RAI14: variants seen among roughly 807,000 people sequenced by gnomAD.
RAI14 encodes the protein retinoic acid induced 14, also known as ankycorbin.
RAI14 carries 45 observed loss-of-function variants against 115.4 expected under a neutral mutation model. The ratio of observed to expected loss-of-function variants is 0.39; its 90% CI spans 0.31 to 0.50. RAI14 has a LOEUF of 0.50. Among genes scored for constraint, RAI14 ranks in the 20% least tolerant of loss-of-function variants. The probability of loss-of-function intolerance (pLI) is 0.85; values close to 1 mark genes in which losing one functional copy is unlikely to be tolerated. For missense variants in RAI14, 939 were observed against 1,131.2 expected (o/e 0.83, Z 2.44); for synonymous variants, 371 against 415.4 (o/e 0.89, Z 1.30).
rs140162508 is a variant in RAI14 at position 34,801,690 on chromosome 5, G to A, written c.257-2022G>A. Among the ~76,000 whole-genome samples, 212 of 151,936 alleles carry A rather than the reference G, an allele frequency of 1.4e-3. 1 individual carries two copies. Among genetic ancestry groups the A allele is most frequent in the African/African-American group, 4.8e-3 (200 of 41,444 alleles). On this transcript the variant is annotated intron_variant, in intron 4 of 17. Transcript: ENST00000265109. ...CGGGAGGCAGAGGTTGCAGTGAGCC[G>A]AGATGGTGCCACTGCACTCCGGCCT...
At chr5:34,668,132 G>A (rs889538467) in intron 1 of RAI14, among the ~76,000 whole-genome samples, 8 of 152,098 alleles carry the variant, frequency 5.3e-5, no homozygotes, top group African/African-American at 7.2e-5. Flanking sequence ...GTGGACTCAC[G>A]CGTATAATCC....
At chr5:34,752,385 T>C (rs1747146794) in intron 2 of RAI14, among the ~76,000 whole-genome samples, 2 of 152,086 alleles carry the variant, frequency 1.3e-5, no homozygotes, top group South Asian at 2.1e-4. Context: ...ATGAAGACTG[T>C]TCTCAGGGCC....
At chr5:34,796,119 G>C (rs1209942867) in intron 4 of RAI14, 92 bp downstream of exon 4, 18 of 1,050,166 alleles carry the variant, frequency 1.7e-5, no homozygotes, top group Non-Finnish European at 2.6e-5. Flanking sequence ...TTTAAGGCCA[G>C]GTGTGGTAAC....
At chr5:34,708,180 C>G (rs904476020) in intron 2 of RAI14, among the ~76,000 whole-genome samples, 4 of 150,816 alleles carry the variant, frequency 2.7e-5, no homozygotes, top group Admixed American at 1.3e-4. Context: ...ATAATAAAAC[C>G]TAAGTATAAG....
chr5:34,687,750 C>T (rs757919153), intron 2 of RAI14: 7 of 1,548,608 alleles, frequency 4.5e-6, no homozygotes, highest in South Asian at 2.4e-5. Flanking sequence ...TGGGCTTGTT[C>T]AGCTATCATT....
intron 2 of RAI14, among the ~76,000 whole-genome samples, chr5:34,756,395 A>T (rs1475838070): frequency 6.6e-6 from 1 of 152,240 alleles, no homozygotes; most frequent in Non-Finnish European, 1.5e-5. Flanking sequence ...GCAAGGAAGC[A>T]GAGTCTATAG....
Position 34,730,198 on chromosome 5 carries a change from A to C in RAI14, c.37-27270A>C, listed in dbSNP as rs572914423. On this transcript the variant is annotated intron_variant, in intron 2 of 17. Transcript: ENST00000265109. ...AGTTTTCACCTATTGTTATCGTGGTAAGCATTTTCTACAGTGATTGATATC... is the reference window on the plus strand; with the variant it reads ...AGTTTTCACCTATTGTTATCGTGGTCAGCATTTTCTACAGTGATTGATATC... Among the ~76,000 whole-genome samples the C allele has an allele frequency of 2.0e-5, 3 of 152,220 alleles. No homozygotes were observed. In the South Asian group the frequency reaches 6.2e-4, roughly 32 times the overall value.
At chr5:34,658,948 A>C (rs960450686) in intron 1 of RAI14, 1 of 151,974 alleles carries the variant, frequency 6.6e-6, no homozygotes, top group Non-Finnish European at 1.5e-5. Flanking sequence ...AAAATAAACT[A>C]TAACTTAAAT....
chr5:34,723,814 C>T (rs551877055), intron 2 of RAI14, among the ~76,000 whole-genome samples: 3 of 152,126 alleles, frequency 2.0e-5, no homozygotes, highest in Non-Finnish European at 4.4e-5. Context: ...TTAATATACT[C>T]ATCACCCATA....
intron 2 of RAI14, among the ~76,000 whole-genome samples, chr5:34,753,364 T>A (rs1747387691): frequency 6.6e-6 from 1 of 152,124 alleles, no homozygotes; most frequent in Admixed American, 6.6e-5. Flanking sequence ...TTTTTTTTGA[T>A]GCTTGGGGGT....
chr5:34,752,742 T>TATATATATATAC (rs1747251580), intron 2 of RAI14, among the ~76,000 whole-genome samples: 2 of 130,956 alleles, frequency 1.5e-5, no homozygotes, highest in African/African-American at 6.3e-5. Flanking sequence ...TGTGTGTGTG[T>TATATATATATAC]GTGTGTGTAT....
In RAI14 at chr5:34,778,290, G is replaced by A. The variant is rs185952300; in HGVS notation, c.168-17649G>A. 1.6e-4 allele frequency among the ~76,000 whole-genome samples: 24 copies of A among 152,296 alleles called. No homozygotes were observed. The South Asian group carries it at 3.1e-3, about 20-fold the overall frequency. On this transcript the variant is annotated intron_variant, in intron 3 of 17. Transcript: ENST00000265109. ...ATGCAGCTTTTGATTCAGTAGATTT[G>A]GAGTGGTGCCTGAGAGTCTGCATTT...
chr5:34,730,181 C>T (rs990599894), intron 2 of RAI14, among the ~76,000 whole-genome samples: 16 of 152,124 alleles, frequency 1.1e-4, no homozygotes, highest in Admixed American at 3.3e-4. Flanking sequence ...CTAGTTTTCA[C>T]CTATTGTTAT....
intron 3 of RAI14, among the ~76,000 whole-genome samples, chr5:34,779,121 A>C (rs1054659492): frequency 1.3e-5 from 2 of 152,174 alleles, no homozygotes; most frequent in Non-Finnish European, 2.9e-5. Context: ...AAGGACAAAA[A>C]CCACATGATT....
intron 3 of RAI14, among the ~76,000 whole-genome samples, chr5:34,772,938 T>C (rs945916387): frequency 6.6e-6 from 1 of 152,194 alleles, no homozygotes; most frequent in African/African-American, 2.4e-5. Flanking sequence ...GGGATCAAAG[T>C]CATTTTGTGT....
rs1376728363 is a variant in RAI14 at position 34,823,609 on chromosome 5, T to C, written c.1767T>C (p.Asn589=). 3 of 1,614,092 alleles carry C rather than the reference T, an allele frequency of 1.9e-6. No individual in the cohort carries two copies. The highest frequency in any genetic ancestry group is 2.2e-5 in the East Asian group (1 of 44,876). ...GTTCATATTGCTCTGTTATTGAGAA[T>C]ATGAATAAGGAGAAAGCATTTTTGT... ...MKSSYCSVIE[N]MNKEKAFLFE... The change falls in exon 15 of 18, where the codon AAT becomes AAC. Residue 589 remains asparagine (N), a synonymous_variant. Transcript: ENST00000265109. This position sits in a 1 kb window ranked among gnomAD's most constrained non-coding sequence, Gnocchi z 4.5.
intron 2 of RAI14, chr5:34,716,242 G>A (rs1741979807): frequency 3.0e-6 from 1 of 331,490 alleles, no homozygotes; most frequent in Non-Finnish European, 5.8e-6. Context: ...ATTTGTACAT[G>A]ATAATCTAGG....
chr5:34,830,637 G>A, intron 17 of RAI14, 51 bp from the exon 18 acceptor site: 1 of 1,611,864 alleles, frequency 6.2e-7, no homozygotes, highest in Non-Finnish European at 8.5e-7. Context: ...AGAAGAAAGT[G>A]CCATGGCTTA....
rs762199628 is a variant in RAI14, at chr5:34,803,678, T to TA, written c.257-26dup. On this transcript the variant is annotated intron_variant, in intron 4 of 17. Transcript: ENST00000265109. ...GATTTTTTTTAAAGTGTGGCCTTTT[T>TA]AAAAAAAATTATTATTTGAAAAAAT... The TA allele has an allele frequency of 1.1e-4, 169 of 1,542,086 alleles. 1 individual carries two copies. Among genetic ancestry groups the TA allele is most frequent in the African/African-American group, 1.5e-4 (11 of 72,528 alleles).
Sources: allele counts gnomAD v4.1 joint callset (sites outside exome capture counted in the v4.1 genomes callset), GRCh38; gene constraint gnomAD v4.1.1; non-coding constraint Gnocchi (gnomAD v3.1); transcripts MANE v1.5; gene names NCBI Gene and HGNC (gene_info 2026-07-23, HGNC 2026-07-21).